Variants in TCEA1 observed in about 807,000 individuals in gnomAD.
The protein encoded by TCEA1 is transcription elongation factor A1.
A neutral mutation model predicts 43.8 loss-of-function variants in TCEA1; 21 were observed. That is an observed-to-expected ratio of 0.48 (90% CI 0.34 to 0.69). The LOEUF is 0.69. Ranked by LOEUF, TCEA1 falls within the 30% of genes least tolerant of loss-of-function variation. The pLI is 0.01. For synonymous variants in TCEA1, 104 were observed against 117.5 expected, an observed-to-expected ratio of 0.88 and a Z score of 0.75; for missense variants, 250 against 365.1, an observed-to-expected ratio of 0.68 and a Z score of 2.57.
chr8:54,015,998 G>A (rs947058257), intron 1 of TCEA1, among the ~76,000 whole-genome samples: 1 of 152,148 alleles, frequency 6.6e-6, no homozygotes, highest in African/African-American at 2.4e-5. Context: ...ACACCCACTA[G>A]GAAGGCTATA....
rs935678187 is a variant in TCEA1, at chr8:54,010,377, G to C, written c.126+53C>G. ...ACATATTGGTACTGAAGATGTTTTGGTATTTTATGACGACTACCTATTAAA... is the reference window on the plus strand; with the variant it reads ...ACATATTGGTACTGAAGATGTTTTGCTATTTTATGACGACTACCTATTAAA... On this transcript the variant is annotated intron_variant, in intron 2 of 9. Coordinates refer to ENST00000521604, the MANE Select transcript of TCEA1 (RefSeq NM_006756.4). The C allele has an allele frequency of 3.0e-6, 4 of 1,350,540 alleles. No homozygotes were observed. In the Admixed American group the frequency reaches 8.8e-5, roughly 30 times the overall value. 83.7% of individuals were successfully genotyped at this position (1,350,540 alleles called of 1,614,324 possible). A position where few individuals can be genotyped will look rare whatever the true frequency, so the allele number is the denominator to read the frequency against.
At chr8:54,012,622 C>A (rs1430978168) in intron 1 of TCEA1, among the ~76,000 whole-genome samples, 1 of 152,110 alleles carries the variant, frequency 6.6e-6, no homozygotes, top group African/African-American at 2.4e-5. Flanking sequence ...GTGCCCAAAT[C>A]CTGCTGGGGG....
intron 9 of TCEA1, among the ~76,000 whole-genome samples, chr8:53,968,601 T>C (rs979976573): frequency 2.0e-5 from 3 of 152,022 alleles, no homozygotes; most frequent in Non-Finnish European, 4.4e-5. Flanking sequence ...CTCAGCACTT[T>C]GGGAGGCCGA....
At chr8:53,973,684 T>G (rs1377378100) in intron 8 of TCEA1, 1 of 555,150 alleles carries the variant, frequency 1.8e-6, no homozygotes, top group African/African-American at 1.9e-5. Context: ...AAGCAGCTCA[T>G]GAAAAAAAAG....
At chr8:53,968,794 A>T (rs956683148) in intron 9 of TCEA1, among the ~76,000 whole-genome samples, 3 of 152,130 alleles carry the variant, frequency 2.0e-5, no homozygotes, top group Admixed American at 6.5e-5. Flanking sequence ...AACAACAACA[A>T]CAAAAAAGAT....
intron 2 of TCEA1, 52 bp downstream of exon 2, chr8:54,010,378 T>C: frequency 7.3e-7 from 1 of 1,363,730 alleles, no homozygotes; most frequent in Middle Eastern, 1.8e-4. Context: ...GATGTTTTGG[T>C]ATTTTATGAC....
chr8:53,981,848 C>G (rs1046149025), intron 7 of TCEA1, among the ~76,000 whole-genome samples: 2 of 151,530 alleles, frequency 1.3e-5, no homozygotes, highest in Non-Finnish European at 2.9e-5. Flanking sequence ...CACCTCTTGG[C>G]CTAAAGTGAT....
chr8:53,977,236 C>T (rs1202201578), intron 8 of TCEA1, among the ~76,000 whole-genome samples: 1 of 152,156 alleles, frequency 6.6e-6, no homozygotes, highest in Admixed American at 6.5e-5. Flanking sequence ...AGGAGAACGG[C>T]GTGAACCCGG....
At chr8:53,984,679 C>A (rs187812195) in intron 6 of TCEA1, among the ~76,000 whole-genome samples, 162 bp from the exon 7 acceptor site, 1 of 151,946 alleles carries the variant, frequency 6.6e-6, no homozygotes, top group Non-Finnish European at 1.5e-5. Context: ...GTCAGGAGAT[C>A]GAGACCATCC....
intron 2 of TCEA1, chr8:54,002,767 C>T: frequency 2.6e-6 from 1 of 385,982 alleles, no homozygotes; most frequent in Non-Finnish European, 5.1e-6. Context: ...TAACTGTTTT[C>T]TTGACTGCAG....
chr8:53,985,263 C>T (rs1031459094), intron 6 of TCEA1, among the ~76,000 whole-genome samples: 9 of 152,160 alleles, frequency 5.9e-5, no homozygotes, highest in Non-Finnish European at 1.2e-4. Context: ...GTGATCCACC[C>T]GTCTCGGCCT....
chr8:54,010,563 A>G lies in TCEA1; in HGVS notation c.64-71T>C, dbSNP rs962130275. The G allele has an allele frequency of 6.9e-5, 87 of 1,269,112 alleles. No individual in the cohort carries two copies. In the African/African-American group the frequency reaches 1.2e-3, roughly 18 times the overall value. 78.6% of individuals were successfully genotyped at this position (1,269,112 alleles called of 1,614,324 possible). On this transcript the variant is annotated intron_variant, in intron 1 of 9. Transcript: ENST00000521604. ...CAGGGACTAGCCAGAAATAAGGTTC[A>G]TGGGAGAATCACAGAAAACAGCTAA...
Position 53,990,032 on chromosome 8 carries a change from CAA to C in TCEA1, c.321-1775_321-1774del, listed in dbSNP as rs1195469971. ...ACAAAATAGTGAGACCCAGGGTCTA[CAA>C]AAAGAGTTTTAAAAATTTGCCAAAC... On this transcript the variant is annotated intron_variant, in intron 4 of 9. Coordinates refer to ENST00000521604, the MANE Select transcript of TCEA1 (RefSeq NM_006756.4). Among the ~76,000 whole-genome samples, 3 of 152,028 alleles carry C rather than the reference CAA, an allele frequency of 2.0e-5. No homozygotes were observed. In the East Asian group the frequency reaches 5.8e-4, roughly 29 times the overall value.
chr8:54,020,303 G>A (rs529019250), intron 1 of TCEA1, among the ~76,000 whole-genome samples: 7 of 152,132 alleles, frequency 4.6e-5, no homozygotes, highest in Non-Finnish European at 1.0e-4. Flanking sequence ...CCAATAACCA[G>A]ATAACCTATC....
chr8:54,001,539 G>A (rs1371456454), intron 2 of TCEA1, among the ~76,000 whole-genome samples: 1 of 152,092 alleles, frequency 6.6e-6, no homozygotes, highest in Non-Finnish European at 1.5e-5. Context: ...AACAAGGCTA[G>A]TTTACTAGGA....
chr8:54,006,947 C>T (rs1173185153), intron 2 of TCEA1, among the ~76,000 whole-genome samples: 4 of 152,128 alleles, frequency 2.6e-5, no homozygotes, highest in Non-Finnish European at 5.9e-5. Context: ...AAGTGGTTCT[C>T]CTGCCTCAGC....
intron 3 of TCEA1, among the ~76,000 whole-genome samples, chr8:53,997,241 A>G (rs1360438610): frequency 6.6e-6 from 1 of 152,254 alleles, no homozygotes; most frequent in African/African-American, 2.4e-5. Context: ...TGATGATTTT[A>G]TAAGTATTGA....
At chr8:53,984,327 T>G in intron 7 of TCEA1, 36 bp downstream of exon 7, 5 of 1,552,334 alleles carry the variant, frequency 3.2e-6, no homozygotes, top group Non-Finnish European at 4.3e-6. Context: ...CAACACAGAA[T>G]CACATTATAG....
At chr8:54,015,281 T>C (rs978711322) in intron 1 of TCEA1, among the ~76,000 whole-genome samples, 15 of 152,014 alleles carry the variant, frequency 9.9e-5, no homozygotes, top group African/African-American at 3.4e-4. Context: ...GCGATTATCC[T>C]GCCTCAGCCT....
Sources: gnomAD v4.1 joint callset for allele counts (sites outside exome capture counted in the v4.1 genomes callset) on GRCh38, gnomAD v4.1.1 for gene constraint, MANE v1.5 for transcripts, NCBI Gene and HGNC (gene_info 2026-07-23, HGNC 2026-07-21) for gene names.